The following FBXW7 variants were observed in gnomAD, a reference collection of about 807,000 sequenced individuals.
FBXW7 encodes F-box/WD repeat-containing protein 7.
Under a neutral mutation model 86.3 loss-of-function variants are expected in FBXW7, and 11 were observed. The ratio of observed to expected loss-of-function variants is 0.13; its 90% confidence interval spans 0.08 to 0.21. The LOEUF (loss-of-function observed/expected upper bound fraction) is 0.21. FBXW7 is among the 10% of genes least tolerant of loss of function. The pLI, the probability that FBXW7 is intolerant of heterozygous loss-of-function variation, is 1.00. For missense variants in FBXW7, 488 were observed against 847.4 expected (o/e 0.58, Z 5.27); for synonymous variants, 313 against 297.9 (o/e 1.05, Z -0.52).
intron 2 of FBXW7, among the ~76,000 whole-genome samples, chr4:152,527,597 T>C (rs1749630246): frequency 1.3e-5 from 2 of 152,084 alleles, no homozygotes; most frequent in Admixed American, 6.6e-5. Context: ...AGTGAGACCC[T>C]GTCTTTACAG....
intron 2 of FBXW7, among the ~76,000 whole-genome samples, chr4:152,467,881 A>G (rs960220355): frequency 3.9e-5 from 6 of 152,238 alleles, no homozygotes; most frequent in African/African-American, 1.4e-4. Context: ...GAGATAATCC[A>G]TAGGAGAAAA....
intron 2 of FBXW7, among the ~76,000 whole-genome samples, chr4:152,474,401 C>A (rs576328594): frequency 6.6e-6 from 1 of 151,968 alleles, no homozygotes; most frequent in Non-Finnish European, 1.5e-5. Flanking sequence ...TTAATTATGG[C>A]GGTAGAAAAG....
intron 2 of FBXW7, among the ~76,000 whole-genome samples, chr4:152,460,295 C>G (rs1274860655): frequency 6.6e-6 from 1 of 152,148 alleles, no homozygotes; most frequent in African/African-American, 2.4e-5. Flanking sequence ...TATGTAAATT[C>G]CCAAACTCCA....
intron 13 of FBXW7, 161 bp from the exon 14 acceptor site, chr4:152,323,310 T>G (rs934310598): frequency 1.9e-5 from 16 of 841,780 alleles, no homozygotes; most frequent in Non-Finnish European, 2.9e-5. Context: ...AGGATCAGCA[T>G]GGATGTAAGA....
At chr4:152,472,799 A>G (rs1744074222) in intron 2 of FBXW7, among the ~76,000 whole-genome samples, 1 of 152,176 alleles carries the variant, frequency 6.6e-6, no homozygotes, top group South Asian at 2.1e-4. Context: ...TTCTAATCAA[A>G]GATGAAAAAT....
intron 4 of FBXW7, among the ~76,000 whole-genome samples, chr4:152,378,963 G>A (rs6535849): frequency 0.38 from 57,237 of 151,916 alleles, 11,610 homozygotes; most frequent in African/African-American, 0.52. Context: ...CCAAGATGGC[G>A]CCACTACACT....
intron 2 of FBXW7, among the ~76,000 whole-genome samples, chr4:152,448,054 G>A (rs190039877): frequency 1.2e-4 from 19 of 152,312 alleles, no homozygotes; most frequent in Middle Eastern, 3.4e-3. Flanking sequence ...TAAAGTTACT[G>A]AGGCTACTCA....
chr4:152,420,882 G>T (rs1738884926), intron 2 of FBXW7, among the ~76,000 whole-genome samples: 1 of 152,142 alleles, frequency 6.6e-6, no homozygotes, highest in Non-Finnish European at 1.5e-5. Flanking sequence ...TGACCAATGA[G>T]CACTGGCTTC....
At chr4:152,404,101 G>A (rs1366876374) in intron 4 of FBXW7, among the ~76,000 whole-genome samples, 1 of 152,124 alleles carries the variant, frequency 6.6e-6, no homozygotes, top group Non-Finnish European at 1.5e-5. Flanking sequence ...AGAGTTCTGT[G>A]CTCTTTCCAC....
At chr4:152,454,223 T>C (rs1317135957) in intron 2 of FBXW7, among the ~76,000 whole-genome samples, 1 of 150,838 alleles carries the variant, frequency 6.6e-6, no homozygotes, top group African/African-American at 2.4e-5. Flanking sequence ...GCTTCTTATA[T>C]CTCTTTTACT....
chr4:152,433,086 C>T (rs960074173), intron 2 of FBXW7, among the ~76,000 whole-genome samples: 11 of 152,102 alleles, frequency 7.2e-5, no homozygotes, highest in Non-Finnish European at 1.3e-4. Flanking sequence ...TCCCTGTGTA[C>T]TTTCTATTGT....
At chr4:152,377,612 A>G (rs1423469798) in intron 4 of FBXW7, among the ~76,000 whole-genome samples, 1 of 151,286 alleles carries the variant, frequency 6.6e-6, no homozygotes, top group Non-Finnish European at 1.5e-5. Context: ...AAAAAAAAAA[A>G]AAGTTAGCTG....
At chr4:152,422,898 C>T (rs1294403057) in intron 2 of FBXW7, among the ~76,000 whole-genome samples, 1 of 152,172 alleles carries the variant, frequency 6.6e-6, no homozygotes, top group Non-Finnish European at 1.5e-5. Flanking sequence ...TACTTCTATT[C>T]AGTCTCTTTT....
chr4:152,485,831 A>AT (rs1384155459), intron 2 of FBXW7, among the ~76,000 whole-genome samples: 1 of 152,208 alleles, frequency 6.6e-6, no homozygotes, highest in Non-Finnish European at 1.5e-5. Flanking sequence ...AACCAGACTG[A>AT]TTGAGTTCTC....
chr4:152,483,658 A>C (rs1051901136), intron 2 of FBXW7, among the ~76,000 whole-genome samples: 4 of 152,238 alleles, frequency 2.6e-5, no homozygotes, highest in Admixed American at 1.3e-4. Context: ...TGATCATGCC[A>C]CTGCACTCCA....
In FBXW7 at chr4:152,324,356, T is replaced by G. The variant is rs752171411; in HGVS notation, c.1683A>C (p.Thr561=). The G allele has an allele frequency of 8.7e-6, 14 of 1,609,062 alleles. No individual in the cohort carries two copies. The highest frequency in any genetic ancestry group is 1.0e-5 in the Non-Finnish European group (12 of 1,177,288). Residue 561 remains threonine, a synonymous_variant, in exon 13 of 14, where the codon ACA becomes ACC. Transcript: ENST00000281708. The part of the protein sequence containing the change: ...GIHVVSGSLD[T]SIRVWDVETG... ...TCTCCACATCCCAAACACGGATTGA[T>G]GTATCAAGAGATCCACTCACCACAT... is the stretch of plus-strand genomic sequence containing the variant.
At chr4:152,488,084 C>CT (rs1434912022) in intron 2 of FBXW7, among the ~76,000 whole-genome samples, 1 of 152,042 alleles carries the variant, frequency 6.6e-6, no homozygotes, top group Non-Finnish European at 1.5e-5. Context: ...GCTTTTAAAA[C>CT]TGAACATTCT....
intron 2 of FBXW7, among the ~76,000 whole-genome samples, chr4:152,513,248 C>T (rs1748150474): frequency 1.3e-5 from 2 of 152,026 alleles, no homozygotes; most frequent in Non-Finnish European, 2.9e-5. Flanking sequence ...TTCTGGTATG[C>T]AAATTATACC....
chr4:152,347,393 T>C (rs1731373404), intron 5 of FBXW7, among the ~76,000 whole-genome samples: 1 of 152,166 alleles, frequency 6.6e-6, no homozygotes, highest in Admixed American at 6.6e-5. Flanking sequence ...CCTTAGAACA[T>C]ACAAGTCCCA....
Sources: allele counts gnomAD v4.1 joint callset (sites outside exome capture counted in the v4.1 genomes callset), GRCh38; gene constraint gnomAD v4.1.1; transcripts MANE v1.5; gene names NCBI Gene and HGNC (gene_info 2026-07-23, HGNC 2026-07-21).